Variants in WDR17 observed in about 807,000 individuals in gnomAD.
WDR17 encodes the protein WD repeat domain 17.
WDR17 carries 143 observed loss-of-function variants against 161.7 expected under a neutral mutation model. That is an observed-to-expected ratio of 0.88 (90% CI 0.77 to 1.02). The LOEUF is 1.02. WDR17 is among the 50% of genes least tolerant of loss of function. The pLI, the probability that WDR17 is intolerant of heterozygous loss-of-function variation, is 0.00. For missense variants in WDR17, 1,469 were observed against 1,520.9 expected (o/e 0.97, Z 0.57); for synonymous variants, 517 against 515.6 (o/e 1.00, Z -0.04).
At chr4:176,131,825 G>T in intron 7 of WDR17, 87 bp downstream of exon 7, 4 of 1,093,682 alleles carry the variant, frequency 3.7e-6, no homozygotes, top group Non-Finnish European at 4.9e-6. Context: ...AATATTATTT[G>T]AAATTATTTT....
chr4:176,150,354 T>C, intron 15 of WDR17, 114 bp from the exon 16 acceptor site: 1 of 1,451,236 alleles, frequency 6.9e-7, no homozygotes. Flanking sequence ...AACATGTAGT[T>C]ATTTTGTTAA....
At chr4:176,135,770 T>C (rs1744299407) in intron 8 of WDR17, among the ~76,000 whole-genome samples, 2 of 151,582 alleles carry the variant, frequency 1.3e-5, no homozygotes, top group Admixed American at 6.6e-5. Context: ...GCTGTACATA[T>C]AAAGGAGAGA....
At chr4:176,066,753 A>G (rs914450018) in intron 1 of WDR17, among the ~76,000 whole-genome samples, 2 of 151,064 alleles carry the variant, frequency 1.3e-5, no homozygotes, top group Non-Finnish European at 2.9e-5. Flanking sequence ...TATTTTGCAT[A>G]TTAATATATA....
chr4:176,076,214 A>ATATAT (rs1561066263), intron 1 of WDR17, among the ~76,000 whole-genome samples: 11 of 62,264 alleles, frequency 1.8e-4, no homozygotes, highest in Non-Finnish European at 3.2e-4. Context: ...TTACATATAT[A>ATATAT]ATATATATAT....
Position 176,111,557 on chromosome 4 carries a change from T to C in WDR17, c.-6-18T>C. On this transcript the variant is annotated intron_variant, in intron 1 of 28. Transcript: ENST00000508596. ...AATAATGGAAATCACTGACATTTCT[T>C]CAAATTTGTTTTTCAAGGCAAACAT... 3.1e-6 allele frequency: 5 copies of C among 1,593,366 alleles called. No homozygotes were observed. The highest frequency in any genetic ancestry group is 4.3e-6 in the Non-Finnish European group (5 of 1,170,134).
chr4:176,127,235 T>C (rs183646890), intron 5 of WDR17, among the ~76,000 whole-genome samples: 13 of 152,270 alleles, frequency 8.5e-5, no homozygotes, highest in Non-Finnish European at 1.6e-4. Context: ...GATGGATTCT[T>C]AATTTATATA....
chr4:176,140,092 C>G (rs554357204), intron 10 of WDR17, 118 bp downstream of exon 10: 1 of 762,372 alleles, frequency 1.3e-6, no homozygotes, highest in African/African-American at 1.8e-5. Context: ...CTCTCAGAGG[C>G]GTTATTTTTA....
rs78196215 is a variant in WDR17 at position 176,153,990 on chromosome 4, G to A, written c.2460+2023G>A. ...GATCTATCAAAAGTCAAGGAGAAAA[G>A]GAATTAATAAATTTTGGTACAACAG... On this transcript the variant is annotated intron_variant, in intron 17 of 28. Transcript: ENST00000508596. Among the ~76,000 whole-genome samples, 1,000 of 152,184 alleles carry A rather than the reference G, an allele frequency of 6.6e-3. 12 individuals carry two copies. The highest frequency in any genetic ancestry group is 0.023 in the African/African-American group (962 of 41,536).
At chr4:176,100,441 G>C (rs1448543247) in intron 1 of WDR17, among the ~76,000 whole-genome samples, 1 of 151,774 alleles carries the variant, frequency 6.6e-6, no homozygotes, top group Non-Finnish European at 1.5e-5. Flanking sequence ...TTGTATTTTT[G>C]TTGTCATTGA....
intron 6 of WDR17, among the ~76,000 whole-genome samples, chr4:176,130,564 G>A (rs1378991789): frequency 6.6e-6 from 1 of 151,084 alleles, no homozygotes; most frequent in Non-Finnish European, 1.5e-5. Context: ...CTAACACAGT[G>A]AAACCCTGTC....
At chr4:176,135,068 T>C (rs1351317658) in intron 7 of WDR17, 40 bp from the exon 8 acceptor site, 1 of 1,591,588 alleles carries the variant, frequency 6.3e-7, no homozygotes, top group East Asian at 2.2e-5. Context: ...TAATGTGAAT[T>C]TTCCTCAATA....
At chr4:176,096,065 T>C (rs993253525) in intron 1 of WDR17, among the ~76,000 whole-genome samples, 4 of 152,084 alleles carry the variant, frequency 2.6e-5, no homozygotes, top group Non-Finnish European at 5.9e-5. Context: ...AATATAGGAT[T>C]GGTTTTGTCA....
Position 176,111,719 on chromosome 4 carries a change from T to C in WDR17, c.123+16T>C, listed in dbSNP as rs1037576301. The C allele has an allele frequency of 1.3e-6, 2 of 1,540,252 alleles. No homozygotes were observed. The highest frequency in any genetic ancestry group is 2.8e-5 in the African/African-American group (2 of 71,918). On this transcript the variant is annotated intron_variant, in intron 2 of 28. Coordinates refer to ENST00000508596, the MANE Select transcript of WDR17 (RefSeq NM_181265.4). ...TATTTATCAGGTAAAATAATAATTC[T>C]TTTCCATTTTTAATTATATCCGGTA... is the stretch of plus-strand genomic sequence containing the variant.
At position 176,163,177 on chromosome 4, in the gene WDR17, C is replaced by A. The variant is rs146440894; in HGVS notation, c.2874C>A (p.Arg958=). Residue 958 remains arginine, a synonymous_variant, in exon 22 of 29, where the codon CGC becomes CGA. Transcript: ENST00000508596. ...AGCTTGCTATGGCATACCTGATTCG[C>A]GGAAATGAACTGGAGTTGGCAGTCT... ...NIELAMAYLI[R]GNELELAVCV... is the part of the protein sequence containing the mutation. 2 of 1,613,914 alleles carry A rather than the reference C, an allele frequency of 1.2e-6. No homozygotes were observed. Among genetic ancestry groups the A allele is most frequent in the African/African-American group, 2.7e-5 (2 of 74,886 alleles).
chr4:176,130,558 C>T (rs979834928), intron 6 of WDR17, among the ~76,000 whole-genome samples: 1 of 151,674 alleles, frequency 6.6e-6, no homozygotes, highest in Non-Finnish European at 1.5e-5. Flanking sequence ...TCCTGGCTAA[C>T]ACAGTGAAAC....
intron 1 of WDR17, 149 bp from the exon 2 acceptor site, chr4:176,111,426 G>A: frequency 1.3e-6 from 1 of 757,102 alleles, no homozygotes; most frequent in East Asian, 3.3e-5. Context: ...TTCAACTGCT[G>A]TTCTCTGAAA....
At chr4:176,115,471 T>G (rs1483588421) in intron 2 of WDR17, among the ~76,000 whole-genome samples, 2 of 151,926 alleles carry the variant, frequency 1.3e-5, no homozygotes, top group African/African-American at 4.8e-5. Flanking sequence ...AACCAAGGGT[T>G]TTTTCTTCTC....
chr4:176,139,315 T>G (rs975775386), intron 9 of WDR17, among the ~76,000 whole-genome samples: 4 of 151,990 alleles, frequency 2.6e-5, no homozygotes, highest in Non-Finnish European at 5.9e-5. Context: ...TTAAAAATTC[T>G]TATAATTCCA....
Position 176,120,038 on chromosome 4 carries a change from A to G in WDR17, c.479A>G (p.His160Arg). 1.2e-6 allele frequency: 2 copies of G among 1,614,032 alleles called. No homozygotes were observed. Among genetic ancestry groups the G allele is most frequent in the South Asian group, 2.2e-5 (2 of 91,076 alleles). ...SDICMFRWHT[H>R]QKGKVVFGHI... is the part of the protein sequence containing the mutation. ...ATCTGTATGTTCAGATGGCATACAC[A>G]CCAAAAGGGGAAAGTTGTGTTTGGT... is the stretch of plus-strand genomic sequence containing the variant. The change falls in exon 4 of 29, where the codon CAC (histidine) becomes CGC (arginine). Residue 160 changes from histidine (H) to arginine (R), a missense_variant. By Grantham distance (29) the His-to-Arg change is conservative (BLOSUM62 0). Transcript: ENST00000508596.
Sources: gnomAD v4.1 joint callset for allele counts (sites outside exome capture counted in the v4.1 genomes callset) on GRCh38, gnomAD v4.1.1 for gene constraint, MANE v1.5 for transcripts, NCBI Gene and HGNC (gene_info 2026-07-23, HGNC 2026-07-21) for gene names.